PTPRD: variants seen among roughly 807,000 people sequenced by gnomAD.
PTPRD encodes the protein receptor-type tyrosine-protein phosphatase delta.
Under a neutral mutation model 214.5 loss-of-function variants are expected in PTPRD, and 34 were observed. The ratio of observed to expected loss-of-function variants is 0.16; its 90% confidence interval spans 0.12 to 0.21. The LOEUF is 0.21. PTPRD is among the 10% of genes least tolerant of loss of function. The pLI is 1.00. For missense variants in PTPRD, 2,545 were observed against 2,398.7 expected (o/e 1.06, Z -1.27); for synonymous variants, 1,128 against 845.7 (o/e 1.33, Z -5.79).
chr9:10,129,841 C>G (rs913611416), intron 3 of PTPRD, among the ~76,000 whole-genome samples: 2 of 152,164 alleles, frequency 1.3e-5, no homozygotes, highest in African/African-American at 4.8e-5. Context: ...ATTATTATCT[C>G]TAGCTTAAAA....
intron 2 of PTPRD, among the ~76,000 whole-genome samples, chr9:10,565,448 G>C (rs2065298123): frequency 6.6e-6 from 1 of 152,008 alleles, no homozygotes; most frequent in Non-Finnish European, 1.5e-5. Flanking sequence ...TGCTGAATTA[G>C]ACACAATCTT....
intron 12 of PTPRD, among the ~76,000 whole-genome samples, chr9:8,676,202 G>C (rs543571404): frequency 6.6e-6 from 1 of 151,982 alleles, no homozygotes; most frequent in Non-Finnish European, 1.5e-5. Flanking sequence ...CCTCCTTTAA[G>C]CATCACCTTC....
At chr9:8,573,862 T>C (rs2091798921) in intron 14 of PTPRD, among the ~76,000 whole-genome samples, 1 of 152,118 alleles carries the variant, frequency 6.6e-6, no homozygotes, top group South Asian at 2.1e-4. Flanking sequence ...ACAATTTGTT[T>C]ATATTTCAAT....
At chr9:9,764,199 C>G (rs1211890968) in intron 6 of PTPRD, among the ~76,000 whole-genome samples, 1 of 152,018 alleles carries the variant, frequency 6.6e-6, no homozygotes, top group Non-Finnish European at 1.5e-5. Flanking sequence ...AGAGTTGAAA[C>G]AAACATTTGA....
chr9:10,316,975 C>T (rs2096451926), intron 3 of PTPRD, among the ~76,000 whole-genome samples: 1 of 151,810 alleles, frequency 6.6e-6, no homozygotes, highest in East Asian at 1.9e-4. Flanking sequence ...AAAAACAAAA[C>T]AAAAAACAAA....
At chr9:10,521,566 G>A (rs1279790064) in intron 2 of PTPRD, among the ~76,000 whole-genome samples, 1 of 152,166 alleles carries the variant, frequency 6.6e-6, no homozygotes, top group South Asian at 2.1e-4. Flanking sequence ...CCATCAGAGA[G>A]CATTGCATGC....
intron 33 of PTPRD, among the ~76,000 whole-genome samples, chr9:8,456,009 C>T (rs772935716): frequency 3.3e-5 from 5 of 152,046 alleles, no homozygotes; most frequent in Admixed American, 6.5e-5. Flanking sequence ...AATTATAGGC[C>T]GAGGATTTTA....
At chr9:9,805,658 C>G (rs1369949814) in intron 5 of PTPRD, among the ~76,000 whole-genome samples, 1 of 152,130 alleles carries the variant, frequency 6.6e-6, no homozygotes, top group Non-Finnish European at 1.5e-5. Context: ...GCTAGAAAAG[C>G]TATTCTTCAG....
chr9:10,211,212 T>G (rs1001107223), intron 3 of PTPRD, among the ~76,000 whole-genome samples: 1 of 152,042 alleles, frequency 6.6e-6, no homozygotes, highest in Non-Finnish European at 1.5e-5. Context: ...AAATAGAAGT[T>G]CATAGCAACA....
intron 5 of PTPRD, among the ~76,000 whole-genome samples, chr9:9,924,790 G>C (rs1295671849): frequency 6.6e-6 from 1 of 152,036 alleles, no homozygotes; most frequent in Admixed American, 6.6e-5. Context: ...GAAAGCTAAA[G>C]TTTTGTGGGA....
At chr9:9,054,843 T>C (rs2099693314) in intron 10 of PTPRD, among the ~76,000 whole-genome samples, 1 of 152,134 alleles carries the variant, frequency 6.6e-6, no homozygotes, top group Non-Finnish European at 1.5e-5. Flanking sequence ...CAAAATACTG[T>C]TTTATATTCT....
intron 8 of PTPRD, among the ~76,000 whole-genome samples, chr9:9,467,588 C>CAAAAAAAAAAAAAAAAAAAAAAAA (rs1176159031): frequency 1.6e-4 from 9 of 55,948 alleles, no homozygotes; most frequent in Non-Finnish European, 2.2e-4. Flanking sequence ...CTCCATCTCC[C>CAAAAAAAAAAAAAAAAAAAAAAAA]AAAAAAAAAA....
intron 7 of PTPRD, among the ~76,000 whole-genome samples, chr9:9,690,490 A>C (rs144766748): frequency 6.6e-6 from 1 of 151,868 alleles, no homozygotes; most frequent in East Asian, 1.9e-4. Context: ...AGCTTGATAT[A>C]ATCCCATTTG....
chr9:10,028,148 T>C (rs1217009), intron 4 of PTPRD, among the ~76,000 whole-genome samples: 10,700 of 152,174 alleles, frequency 0.07, 1,277 homozygotes, highest in African/African-American at 0.24. Flanking sequence ...CTGATGTTTT[T>C]TAAAAAATGA....
chr9:10,398,155 G>A (rs1014242168), intron 2 of PTPRD, among the ~76,000 whole-genome samples: 2 of 151,530 alleles, frequency 1.3e-5, no homozygotes, highest in Middle Eastern at 3.2e-3. Flanking sequence ...GAGGCCAGAG[G>A]AGTGCTTGAG....
At chr9:9,041,274 T>G (rs1034813953) in intron 10 of PTPRD, among the ~76,000 whole-genome samples, 1 of 152,092 alleles carries the variant, frequency 6.6e-6, no homozygotes, top group Admixed American at 6.6e-5. Context: ...GGTAAACTTG[T>G]GTCATGGGGG....
At chr9:8,342,057 T>G in intron 39 of PTPRD, 79 bp from the exon 40 acceptor site, 3 of 1,354,682 alleles carry the variant, frequency 2.2e-6, no homozygotes, top group Non-Finnish European at 2.9e-6. Flanking sequence ...TTTATTATTC[T>G]TATTAACTAG....
chr9:10,295,227 A>G (rs913067954), intron 3 of PTPRD, among the ~76,000 whole-genome samples: 1 of 152,074 alleles, frequency 6.6e-6, no homozygotes, highest in Non-Finnish European at 1.5e-5. Context: ...ACCATCAAAC[A>G]ATTCTGGATA....
chr9:10,150,818 G>A (rs1197912096), intron 3 of PTPRD, among the ~76,000 whole-genome samples: 1 of 152,022 alleles, frequency 6.6e-6, no homozygotes, highest in African/African-American at 2.4e-5. Context: ...ACTGTGGGTA[G>A]TAAGATAACT....
Sources: gnomAD v4.1 joint callset for allele counts (sites outside exome capture counted in the v4.1 genomes callset) on GRCh38, gnomAD v4.1.1 for gene constraint, MANE v1.5 for transcripts, NCBI Gene and HGNC (gene_info 2026-07-23, HGNC 2026-07-21) for gene names.